R3HDM1: variants seen among roughly 807,000 people sequenced by gnomAD.
R3HDM1 encodes R3H domain-containing protein 1.
R3HDM1 carries 46 observed loss-of-function variants against 141.1 expected under a neutral mutation model. The ratio of observed to expected loss-of-function variants is 0.33; its 90% CI spans 0.26 to 0.42. The LOEUF (loss-of-function observed/expected upper bound fraction) is 0.42, where lower values mean the gene tolerates loss of function less well. Among genes scored for constraint, R3HDM1 ranks in the 10% least tolerant of loss-of-function variants. The pLI, the probability that R3HDM1 is intolerant of heterozygous loss-of-function variation, is 1.00. For synonymous variants in R3HDM1, 435 were observed against 472.9 expected, an observed-to-expected ratio of 0.92 and a Z score of 1.04; for missense variants, 1,184 against 1,368.3, an observed-to-expected ratio of 0.87 and a Z score of 2.12.
At position 135,626,209 on chromosome 2, in the gene R3HDM1, G is replaced by GTGCTTGCTTGCTTGCTTGCTTGCT. The variant is rs56860646; in HGVS notation, c.497+3494_497+3517dup. ...CGTGCGTGCGTGCGTGCGTGCGTGC[G>GTGCTTGCTTGCTTGCTTGCTTGCT]TGCTTGCTTGCTTGCTTGCTTGCTT... On this transcript the variant is annotated intron_variant, in intron 7 of 26. Transcript: ENST00000683871. Among the ~76,000 whole-genome samples the GTGCTTGCTTGCTTGCTTGCTTGCT allele has an allele frequency of 7.0e-3, 998 of 143,420 alleles. 9 individuals carry two copies. Among genetic ancestry groups the GTGCTTGCTTGCTTGCTTGCTTGCT allele is most frequent in the African/African-American group, 0.028 (947 of 34,178 alleles). The allele number at this position is 143,420 out of a possible 152,430, so 94.1% of individuals were successfully genotyped here. A position where few individuals can be genotyped will look rare whatever the true frequency, so the allele number is the denominator to read the frequency against.
chr2:135,696,666 AT>A (rs1008971414), intron 21 of R3HDM1, among the ~76,000 whole-genome samples: 1 of 151,624 alleles, frequency 6.6e-6, no homozygotes, highest in Non-Finnish European at 1.5e-5. Flanking sequence ...TAATTTTTTA[AT>A]TTTTTTTAAA....
chr2:135,603,068 G>C (rs1010384618), intron 2 of R3HDM1, among the ~76,000 whole-genome samples: 1 of 151,990 alleles, frequency 6.6e-6, no homozygotes, highest in African/African-American at 2.4e-5. Flanking sequence ...TGCAACCTCC[G>C]CCTCCCAGGT....
intron 21 of R3HDM1, among the ~76,000 whole-genome samples, chr2:135,699,045 A>AGATTAGAT (rs202144929): frequency 7.7e-6 from 1 of 129,826 alleles, no homozygotes; most frequent in Non-Finnish European, 1.6e-5. Flanking sequence ...ATAGATAGAT[A>AGATTAGAT]AGATAGATAA....
chr2:135,586,755 A>G (rs1708022415), intron 1 of R3HDM1: 2 of 984,938 alleles, frequency 2.0e-6, no homozygotes, highest in South Asian at 9.4e-5. Flanking sequence ...CACCCCTCAC[A>G]TGTTTGATAT....
intron 24 of R3HDM1, 34 bp downstream of exon 24, chr2:135,715,728 G>T: frequency 6.3e-7 from 1 of 1,585,628 alleles, no homozygotes; most frequent in Non-Finnish European, 8.6e-7. Context: ...CAACTTCAGA[G>T]AATTTAAGAC....
At chr2:135,675,584 A>G (rs2069047174) in intron 20 of R3HDM1, 98 bp downstream of exon 20, 2 of 1,253,852 alleles carry the variant, frequency 1.6e-6, no homozygotes, top group Non-Finnish European at 2.2e-6. Flanking sequence ...TTAATACAGG[A>G]AAAACATTTC....
intron 1 of R3HDM1, among the ~76,000 whole-genome samples, chr2:135,539,697 C>G (rs994382818): frequency 1.3e-5 from 2 of 150,630 alleles, no homozygotes; most frequent in Non-Finnish European, 2.9e-5. Context: ...ATTCTGTAGT[C>G]TATTTAAAGT....
At chr2:135,538,438 C>G (rs1696703096) in intron 1 of R3HDM1, among the ~76,000 whole-genome samples, 1 of 151,992 alleles carries the variant, frequency 6.6e-6, no homozygotes, top group South Asian at 2.1e-4. Flanking sequence ...AAATATTTTT[C>G]TATCTAAAAA....
chr2:135,586,616 C>G (rs1438308149), intron 1 of R3HDM1: 6 of 806,232 alleles, frequency 7.4e-6, no homozygotes, highest in Non-Finnish European at 9.0e-6. Context: ...TGATAAAATT[C>G]TACTATATTG....
intron 4 of R3HDM1, 92 bp from the exon 5 acceptor site, chr2:135,616,576 C>T: frequency 9.2e-7 from 1 of 1,082,652 alleles, no homozygotes; most frequent in Non-Finnish European, 1.3e-6. Context: ...ATGGCAGAAA[C>T]TATAAAGAAA....
At chr2:135,600,313 C>A (rs1413183135) in intron 1 of R3HDM1, among the ~76,000 whole-genome samples, 1 of 151,870 alleles carries the variant, frequency 6.6e-6, no homozygotes, top group African/African-American at 2.4e-5. Context: ...AATGCTAAGC[C>A]GCTTGTACAC....
chr2:135,702,393 G>A (rs1208129758), intron 21 of R3HDM1, among the ~76,000 whole-genome samples: 1 of 152,044 alleles, frequency 6.6e-6, no homozygotes, highest in African/African-American at 2.4e-5. Flanking sequence ...GGGTGTGGTG[G>A]CTCACACCTG....
At chr2:135,622,473 A>T in intron 6 of R3HDM1, 181 bp from the exon 7 acceptor site, 2 of 984,080 alleles carry the variant, frequency 2.0e-6, no homozygotes, top group African/African-American at 3.5e-5. Flanking sequence ...TGTCATGCAC[A>T]TTATATGGGA....
At chr2:135,547,558 T>A (rs1000767433) in intron 1 of R3HDM1, among the ~76,000 whole-genome samples, 1 of 151,668 alleles carries the variant, frequency 6.6e-6, no homozygotes, top group African/African-American at 2.4e-5. Flanking sequence ...TTCCATGAGA[T>A]TTTTCTCCTG....
intron 1 of R3HDM1, among the ~76,000 whole-genome samples, chr2:135,532,846 G>C (rs781359018): frequency 6.6e-6 from 1 of 152,138 alleles, no homozygotes. Flanking sequence ...GATGGAGTAC[G>C]CTCGTCTTTT....
At chr2:135,667,813 C>G (rs2105324780) in intron 19 of R3HDM1, 1 of 921,306 alleles carries the variant, frequency 1.1e-6, no homozygotes, top group Non-Finnish European at 1.3e-6. Context: ...ATACTTTTGA[C>G]ACTATGAGAA....
intron 19 of R3HDM1, chr2:135,670,285 C>T: frequency 1.0e-6 from 1 of 984,100 alleles, no homozygotes; most frequent in Non-Finnish European, 1.2e-6. Flanking sequence ...GGATTTGGGG[C>T]CAAATTCTAG....
rs556799087 is a variant in R3HDM1, at chr2:135,579,664, C to T, written c.-249-22836C>T. 4.0e-5 allele frequency among the ~76,000 whole-genome samples: 6 copies of T among 151,366 alleles called. No individual in the cohort carries two copies. In the South Asian group the frequency reaches 8.3e-4, roughly 21 times the overall value. ...TAGAAGTCACTAGTAATCTGAGACA[C>T]GCCAGCGTCATGTGTTCCCTGATGC... On this transcript the variant is annotated intron_variant, in intron 1 of 26. Coordinates refer to ENST00000683871, the MANE Select transcript of R3HDM1 (RefSeq NM_001378107.1).
At chr2:135,589,845 A>G (rs1708834561) in intron 1 of R3HDM1, among the ~76,000 whole-genome samples, 1 of 152,034 alleles carries the variant, frequency 6.6e-6, no homozygotes. Flanking sequence ...CTGTTACATT[A>G]TATAATATAT....
Sources: gnomAD v4.1 joint callset for allele counts (sites outside exome capture counted in the v4.1 genomes callset) on GRCh38, gnomAD v4.1.1 for gene constraint, MANE v1.5 for transcripts, NCBI Gene and HGNC (gene_info 2026-07-23, HGNC 2026-07-21) for gene names.